Variants in GLI4 observed in about 807,000 individuals in gnomAD.
GLI4 encodes the protein zinc finger protein GLI4.
Under a neutral mutation model 30.9 loss-of-function variants are expected in GLI4, and 34 were observed. The observed-to-expected ratio is 1.10, with a 90% CI of 0.84 to 1.47. The LOEUF is 1.47. GLI4 is among the 40% of genes most tolerant of loss of function. GLI4 has a pLI of 0.00. For missense variants in GLI4, 696 were observed against 538.9 expected, an observed-to-expected ratio of 1.29 and a Z score of -2.89; for synonymous variants, 277 against 236.7, an observed-to-expected ratio of 1.17 and a Z score of -1.56.
At chr8:143,272,202 T>TGGGCA (rs997456757) in intron 2 of GLI4, among the ~76,000 whole-genome samples, 2 of 152,100 alleles carry the variant, frequency 1.3e-5, no homozygotes, top group African/African-American at 4.8e-5. Flanking sequence ...GAGGACCCCA[T>TGGGCA]GGGCAGGGCA....
intron 2 of GLI4, chr8:143,274,499 G>A: frequency 2.5e-6 from 1 of 404,338 alleles, no homozygotes; most frequent in Non-Finnish European, 4.4e-6. Flanking sequence ...GGCCCCTGGA[G>A]GAGGAGGCTC....
intron 2 of GLI4, among the ~76,000 whole-genome samples, chr8:143,269,962 C>G (rs574994363): frequency 6.6e-6 from 1 of 152,202 alleles, no homozygotes; most frequent in Non-Finnish European, 1.5e-5. Flanking sequence ...CTTGCTCCAC[C>G]CCTGATGTTG....
At chr8:143,275,274 G>A in intron 3 of GLI4, 1 of 1,503,432 alleles carries the variant, frequency 6.7e-7, no homozygotes, top group Non-Finnish European at 8.9e-7. Flanking sequence ...GGTTCCCTCT[G>A]GGCGATGTTA....
intron 2 of GLI4, among the ~76,000 whole-genome samples, chr8:143,272,840 C>T (rs955671630): frequency 6.6e-6 from 1 of 152,174 alleles, no homozygotes; most frequent in African/African-American, 2.4e-5. Flanking sequence ...GGGCAGTTCC[C>T]AGGGAGCTGG....
At chr8:143,273,076 C>T (rs1181815333) in intron 2 of GLI4, 2 of 152,280 alleles carry the variant, frequency 1.3e-5, no homozygotes, top group African/African-American at 2.4e-5. Context: ...ATCGGGGTCA[C>T]TTTCTTTCTC....
At position 143,269,456 on chromosome 8, in the gene GLI4, A is replaced by G; in HGVS notation, c.60A>G (p.Ser20=). 6.2e-7 allele frequency: 1 copy of G among 1,609,788 alleles called. No homozygotes were observed. Among genetic ancestry groups the G allele is most frequent in the Non-Finnish European group, 8.5e-7 (1 of 1,176,646 alleles). Residue 20 remains serine, a synonymous_variant, in exon 2 of 4, where the codon TCA becomes TCG. Transcript: ENST00000340042. ...CTGTCCCGTCCCCTGTCAGTCTCTC[A>G]TCACCGGGGACACCTGGAACCCAGC... ...SPSVPSPVSL[S]SPGTPGTQHH...
In GLI4 at chr8:143,269,305, T is replaced by TC. The variant is rs1280913810; in HGVS notation, c.-37-49dup. On this transcript the variant is annotated intron_variant, in intron 1 of 3. Coordinates refer to ENST00000340042, the MANE Select transcript of GLI4 (RefSeq NM_138465.4). Reference sequence around the variant, plus strand: ...TGGCATGTTGCCTCCTCCTGCACCATCCCCCCGACATTCCTCCCAATCCCC... The same window carrying TC: ...TGGCATGTTGCCTCCTCCTGCACCATCCCCCCCGACATTCCTCCCAATCCCC... 20 of 1,353,148 alleles carry TC rather than the reference T, an allele frequency of 1.5e-5. No homozygotes were observed. In the Admixed American group the frequency reaches 3.4e-4, roughly 23 times the overall value. 83.8% of individuals were successfully genotyped at this position (1,353,148 alleles called of 1,614,324 possible).
At chr8:143,271,518 C>T (rs1170469348) in intron 2 of GLI4, among the ~76,000 whole-genome samples, 7 of 152,200 alleles carry the variant, frequency 4.6e-5, no homozygotes, top group East Asian at 3.9e-4. Context: ...GGGGAGACCT[C>T]GCTGTTTCTG....
chr8:143,268,208 C>T (rs1267365355), intron 1 of GLI4: 3 of 543,200 alleles, frequency 5.5e-6, no homozygotes, highest in Non-Finnish European at 7.0e-6. Flanking sequence ...GGAGGCTGGC[C>T]CAGAAGCCGG....
In GLI4 at chr8:143,276,578, AG is replaced by A. The variant is rs1298375507; in HGVS notation, c.907del (p.Ala303ProfsTer114). 1 of 1,612,180 alleles carries A rather than the reference AG, an allele frequency of 6.2e-7. No homozygotes were observed. Among genetic ancestry groups the A allele is most frequent in the Non-Finnish European group, 8.5e-7 (1 of 1,179,646 alleles). On this transcript the variant is annotated frameshift_variant, in exon 4 of 4. Transcript: ENST00000340042. LOFTEE classifies it high-confidence loss of function. The part of the protein sequence containing the change: ...EKPYACSQCG[K>X]AFIWSSVLIE... ...CCCTACGCCTGCAGCCAGTGCGGCA[AG>A]GCCTTCATCTGGAGCTCCGTGCTCA...
At position 143,267,463 on chromosome 8, in the gene GLI4, G is replaced by A. The variant is rs1363262021; in HGVS notation, c.-59G>A. 38 of 985,374 alleles carry A rather than the reference G, an allele frequency of 3.9e-5. No individual in the cohort carries two copies. The highest frequency in any genetic ancestry group is 2.1e-4 in the African/African-American group (12 of 57,154). 61.0% of individuals were successfully genotyped at this position (985,374 alleles called of 1,614,324 possible). A position where few individuals can be genotyped will look rare whatever the true frequency, so the allele number is the denominator to read the frequency against. On this transcript the variant is annotated 5_prime_UTR_variant, in exon 1 of 4. Transcript: ENST00000340042. Reference sequence around the variant, plus strand: ...GCCGGACACTTCCGTCCGGCGCGCGGCGTCCTCCTCCCGCTCGGAAGGTGA... The same window carrying A: ...GCCGGACACTTCCGTCCGGCGCGCGACGTCCTCCTCCCGCTCGGAAGGTGA...
At chr8:143,267,637 CGGGGAGCGGGGTGGGCTCCT>C (rs1815166119) in intron 1 of GLI4, 153 bp downstream of exon 1, 1 of 984,068 alleles carries the variant, frequency 1.0e-6, no homozygotes, top group South Asian at 4.8e-5. Context: ...GGGCCAAGCC[CGGGGAGCGGGGTGGGCTCCT>C]GGGGGTCGCG....
intron 1 of GLI4, 36 bp downstream of exon 1, chr8:143,267,520 G>C (rs1232067742): frequency 8.1e-6 from 8 of 986,306 alleles, no homozygotes; most frequent in East Asian, 1.1e-4. Context: ...GGCTCCGGGT[G>C]CCTGGGACCA....
chr8:143,275,664 C>G (rs952302838), intron 3 of GLI4: 1 of 1,241,746 alleles, frequency 8.1e-7, no homozygotes, highest in African/African-American at 1.5e-5. Context: ...TGTGGATGGT[C>G]CCAGCAGCTC....
chr8:143,276,084 C>G lies in GLI4; in HGVS notation c.411C>G (p.Ala137=), dbSNP rs1299455991. Residue 137 remains alanine, a synonymous_variant, in exon 4 of 4, where the codon GCC becomes GCG. Transcript: ENST00000340042. ...AGCCGCCTGGGGCCGTCCCTTGCGC[C>G]CAGCCGCGGGGCGCCTGGCGCGTGA... ...AGQPPGAVPC[A]QPRGAWRVTL... 7.1e-7 allele frequency: 1 copy of G among 1,406,990 alleles called. No homozygotes were observed. The highest frequency in any genetic ancestry group is 9.2e-7 in the Non-Finnish European group (1 of 1,091,670). 87.2% of individuals were successfully genotyped at this position (1,406,990 alleles called of 1,614,324 possible).
In GLI4 at chr8:143,276,149, C is replaced by A; in HGVS notation, c.476C>A (p.Pro159His). The A allele has an allele frequency of 6.5e-7, 1 of 1,546,358 alleles. No individual in the cohort carries two copies. The highest frequency in any genetic ancestry group is 1.2e-5 in the South Asian group (1 of 84,152). ...GCAGCGGCCGGGCCCGAGGGTGCGC[C>A]CGAGCGGGCTGCCGAGCTGGGAGTC... ...QQAAAGPEGA[P>H]ERAAELGVNF... Residue 159 changes from proline to histidine, a missense_variant, in exon 4 of 4, where the codon CCC (proline) becomes CAC (histidine). Transcript: ENST00000340042.
chr8:143,268,629 C>T (rs1233175532), intron 1 of GLI4, among the ~76,000 whole-genome samples: 1 of 152,230 alleles, frequency 6.6e-6, no homozygotes, highest in African/African-American at 2.4e-5. Context: ...AGGCATGGTT[C>T]GGTTTTCAGC....
At chr8:143,274,221 C>G (rs1352326449) in intron 2 of GLI4, among the ~76,000 whole-genome samples, 1 of 152,152 alleles carries the variant, frequency 6.6e-6, no homozygotes, top group Non-Finnish European at 1.5e-5. Context: ...TCTGGGCGCT[C>G]GTCAAGGACA....
intron 3 of GLI4, chr8:143,275,602 T>C (rs7387207): frequency 0.47 from 586,940 of 1,236,844 alleles, 142,872 homozygotes; most frequent in East Asian, 0.7. Context: ...GGTGACCCCA[T>C]GGTCTGTCTT....
Sources: gnomAD v4.1 joint callset for allele counts (sites outside exome capture counted in the v4.1 genomes callset) on GRCh38, gnomAD v4.1.1 for gene constraint, MANE v1.5 for transcripts, NCBI Gene and HGNC (gene_info 2026-07-23, HGNC 2026-07-21) for gene names.